Variants in ZNF384 observed in about 807,000 individuals in gnomAD.
The protein encoded by ZNF384 is CAG repeat protein 1.
In ZNF384, 20 loss-of-function variants were observed where a neutral mutation model predicts 65.0. That is an observed-to-expected ratio of 0.31 (90% CI 0.22 to 0.45). The LOEUF (loss-of-function observed/expected upper bound fraction) is 0.45. Ranked by LOEUF, ZNF384 falls within the 20% of genes least tolerant of loss-of-function variation. The probability of loss-of-function intolerance (pLI) is 1.00; values close to 1 mark genes in which losing one functional copy is unlikely to be tolerated. For synonymous variants in ZNF384, 310 were observed against 303.9 expected (o/e 1.02, Z -0.21); for missense variants, 549 against 769.4 (o/e 0.71, Z 3.39).
chr12:6,675,079 A>G (rs1300838902), intron 7 of ZNF384, among the ~76,000 whole-genome samples: 1 of 152,236 alleles, frequency 6.6e-6, no homozygotes, highest in East Asian at 1.9e-4. Flanking sequence ...TGCCCTTAAC[A>G]TTAAGGTTAA....
In ZNF384 at chr12:6,678,544, A is replaced by G. The variant is rs1954635040; in HGVS notation, c.353-84T>C. On this transcript the variant is annotated intron_variant, in intron 5 of 11. Transcript: ENST00000683879. The surrounding 1 kb of genome is among the most constrained non-coding windows in gnomAD (Gnocchi z 4.9). ...TTTCATTTCCCCCAGATCATTGTCT[A>G]ATTAACCCCTCACCCCCCCGCCGAC... is the stretch of plus-strand genomic sequence containing the variant. The G allele has an allele frequency of 3.9e-6, 6 of 1,519,740 alleles. No homozygotes were observed. Among genetic ancestry groups the G allele is most frequent in the Non-Finnish European group, 5.4e-6 (6 of 1,109,078 alleles). 94.1% of individuals were successfully genotyped at this position (1,519,740 alleles called of 1,614,324 possible).
intron 2 of ZNF384, among the ~76,000 whole-genome samples, chr12:6,683,349 G>A (rs1004352111): frequency 2.0e-5 from 3 of 149,592 alleles, no homozygotes; most frequent in African/African-American, 7.4e-5. Flanking sequence ...GAGAATAAAC[G>A]AAAGAAAGGG....
In ZNF384 at chr12:6,667,974, C is replaced by T. The variant is rs1353215970; in HGVS notation, c.1567G>A (p.Ala523Thr). The change falls in exon 12 of 12, where the codon GCC (alanine) becomes ACC (threonine). Residue 523 changes from alanine (A) to threonine (T), a missense_variant. By Grantham distance (58) the Ala-to-Thr change is moderately conservative. Transcript: ENST00000683879. Reference sequence around the variant, plus strand: ...GATGCCTGGGAGGCCTGGGCCTGGGCCTGGGCTTGAGCCTGAGCCTGAGCC... The same window carrying T: ...GATGCCTGGGAGGCCTGGGCCTGGGTCTGGGCTTGAGCCTGAGCCTGAGCC... ...AQAQAQAQAQ[A>T]QAQASQASQQ... 3.1e-6 allele frequency: 5 copies of T among 1,611,744 alleles called. No individual in the cohort carries two copies. Among genetic ancestry groups the T allele is most frequent in the Non-Finnish European group, 4.2e-6 (5 of 1,178,772 alleles).
intron 6 of ZNF384, among the ~76,000 whole-genome samples, chr12:6,677,740 G>A (rs1045755182): frequency 1.3e-5 from 2 of 152,118 alleles, no homozygotes; most frequent in African/African-American, 2.4e-5. Flanking sequence ...TGGCACATAG[G>A]TTAGGTGCTT....
In ZNF384 at chr12:6,679,215, T is replaced by C. The variant is rs1954928797; in HGVS notation, c.67-32A>G. ...GAAAAGGAAGGGGACGGGAGCACCC[T>C]CTTCAGCCTGAGAGGCTGATTCTGC... On this transcript the variant is annotated intron_variant, in intron 3 of 11. Transcript: ENST00000683879. 3.3e-6 allele frequency: 5 copies of C among 1,533,090 alleles called. No individual in the cohort carries two copies. The East Asian group carries it at 1.1e-4, about 35-fold the overall frequency. 95.0% of individuals were successfully genotyped at this position (1,533,090 alleles called of 1,614,324 possible). A position where few individuals can be genotyped will look rare whatever the true frequency, so the allele number is the denominator to read the frequency against.
intron 2 of ZNF384, among the ~76,000 whole-genome samples, chr12:6,685,358 A>G (rs1303894266): frequency 3.3e-5 from 5 of 152,106 alleles, no homozygotes; most frequent in Admixed American, 3.3e-4. Context: ...GAAAGGAAAG[A>G]AAAAACAGAA....
chr12:6,669,283 C>T, intron 10 of ZNF384, 94 bp from the exon 11 acceptor site: 1 of 1,170,630 alleles, frequency 8.5e-7, no homozygotes, highest in Non-Finnish European at 1.2e-6. Context: ...GGTGTCAGGC[C>T]TCCCAGCTTC....
rs1201253597 is a variant in ZNF384, at chr12:6,679,125, C to G, written c.125G>C (p.Cys42Ser). ...GGGGTAGTGAGGTGGGGCCAGACCACAGCCCTTCTCTGGCAACAGCTGATC... is the reference window on the plus strand; with the variant it reads ...GGGGTAGTGAGGTGGGGCCAGACCAGAGCCCTTCTCTGGCAACAGCTGATC... ...MKDQLLPEKG[C>S]GLAPPHYPTL... Residue 42 changes from cysteine to serine, a missense_variant, in exon 4 of 12, where the codon TGT becomes TCT. This residue lies in a region of ZNF384 where 277 missense variants were observed against 337.2 expected (regional missense o/e 0.82). Coordinates refer to ENST00000683879, the MANE Select transcript of ZNF384 (RefSeq NM_001385745.1). 1 of 1,608,686 alleles carries G rather than the reference C, an allele frequency of 6.2e-7. No individual in the cohort carries two copies. Among genetic ancestry groups the G allele is most frequent in the Admixed American group, 1.7e-5 (1 of 59,152 alleles).
At chr12:6,675,223 C>G (rs1953042815) in intron 7 of ZNF384, among the ~76,000 whole-genome samples, 1 of 152,120 alleles carries the variant, frequency 6.6e-6, no homozygotes, top group African/African-American at 2.4e-5. Flanking sequence ...TGATGATGAC[C>G]ACAATGATAA....
At chr12:6,683,399 T>C (rs1434241280) in intron 2 of ZNF384, among the ~76,000 whole-genome samples, 2 of 151,910 alleles carry the variant, frequency 1.3e-5, no homozygotes, top group Non-Finnish European at 2.9e-5. Context: ...GGAAGTTGGC[T>C]GGGTGTGGTG....
rs376546719 is a variant in ZNF384, at chr12:6,672,921, G to A, written c.1004+295C>T. The A allele has an allele frequency of 1.3e-5, 6 of 471,642 alleles. No homozygotes were observed. The highest frequency in any genetic ancestry group is 1.9e-5 in the Non-Finnish European group (5 of 258,946). The allele number at this position is 471,642 out of a possible 1,614,324, so 29.2% of individuals were successfully genotyped here. On this transcript the variant is annotated intron_variant, in intron 8 of 11. Coordinates refer to ENST00000683879, the MANE Select transcript of ZNF384 (RefSeq NM_001385745.1). This position sits in a 1 kb window ranked among gnomAD's most constrained non-coding sequence, Gnocchi z 4.4. ...GGACCTGAAGTTGAATGCACACCTT[G>A]GCTCTGAACTGAAGCATATAGTAAA... is the stretch of plus-strand genomic sequence containing the variant.
chr12:6,680,184 T>G (rs993632482), intron 2 of ZNF384, among the ~76,000 whole-genome samples: 4 of 152,160 alleles, frequency 2.6e-5, no homozygotes, highest in Non-Finnish European at 5.9e-5. Context: ...AGGCTGGTCT[T>G]GAACTCCTAG....
Position 6,667,050 on chromosome 12 carries a change from A to G in ZNF384, c.*664T>C, listed in dbSNP as rs926086652. 5.3e-5 allele frequency: 12 copies of G among 227,222 alleles called. No homozygotes were observed. The highest frequency in any genetic ancestry group is 1.7e-4 in the South Asian group (1 of 5,858). 14.1% of individuals were successfully genotyped at this position (227,222 alleles called of 1,614,324 possible). A position where few individuals can be genotyped will look rare whatever the true frequency, so the allele number is the denominator to read the frequency against. On this transcript the variant is annotated 3_prime_UTR_variant, in exon 12 of 12. Transcript: ENST00000683879. ...AGGCTTCAAGGAAATCCGTAAAACC[A>G]TAACACACACTTCTAAGCCACCTGT...
In ZNF384 at chr12:6,682,493, C is replaced by T. The variant is rs116177049; in HGVS notation, c.-5-2968G>A. Among the ~76,000 whole-genome samples, 1,168 of 152,182 alleles carry T rather than the reference C, an allele frequency of 7.7e-3. 16 individuals carry two copies. The highest frequency in any genetic ancestry group is 0.025 in the African/African-American group (1,020 of 41,518). On this transcript the variant is annotated intron_variant, in intron 2 of 11. Coordinates refer to ENST00000683879, the MANE Select transcript of ZNF384 (RefSeq NM_001385745.1). The stretch of plus-strand genomic sequence containing the variant: ...TGAAACCCTATCTCTACAAAAAATA[C>T]AAACATTTGCCAGGCATGGTGGCAG...
In ZNF384 at chr12:6,672,516, G is replaced by A. The variant is rs1951889132; in HGVS notation, c.1021C>T (p.His341Tyr). 5.0e-6 allele frequency: 8 copies of A among 1,613,954 alleles called. No homozygotes were observed. The highest frequency in any genetic ancestry group is 6.8e-6 in the Non-Finnish European group (8 of 1,179,900). The change falls in exon 9 of 12, where the codon CAC becomes TAC. Residue 341 changes from histidine to tyrosine, a missense_variant. Transcript: ENST00000683879. This position sits in a 1 kb window ranked among gnomAD's most constrained non-coding sequence, Gnocchi z 4.4. ...TTGTGGGGCTTGATGGTCTCCGTGT[G>A]CATCTTGGAGTGGATCCTGCCGGAG... ...QQHTRIHSKM[H>Y]TETIKPHKCP... is the part of the protein sequence containing the mutation.
chr12:6,688,362 G>C (rs1023834002), intron 1 of ZNF384, 136 bp from the exon 2 acceptor site: 1 of 152,372 alleles, frequency 6.6e-6, no homozygotes, highest in Admixed American at 6.5e-5. Flanking sequence ...CCAAAGACGG[G>C]TGGATATAAT....
In ZNF384 at chr12:6,689,323, G is replaced by C. The variant is rs932955296; in HGVS notation, c.-291C>G. 1.3e-4 allele frequency: 20 copies of C among 152,870 alleles called. No homozygotes were observed. Among genetic ancestry groups the C allele is most frequent in the African/African-American group, 4.1e-4 (17 of 41,558 alleles). The allele number at this position is 152,870 out of a possible 1,614,324, so 9.5% of individuals were successfully genotyped here. Reference sequence around the variant, plus strand: ...GACACCCGCAGGGCGGGGGCGCGAGGTAGTGGGTGGCCCCCCCTCCTTGCT... The same window carrying C: ...GACACCCGCAGGGCGGGGGCGCGAGCTAGTGGGTGGCCCCCCCTCCTTGCT... On this transcript the variant is annotated 5_prime_UTR_variant, in exon 1 of 12. Coordinates refer to ENST00000683879, the MANE Select transcript of ZNF384 (RefSeq NM_001385745.1).
intron 2 of ZNF384, among the ~76,000 whole-genome samples, chr12:6,682,296 G>A (rs192600963): frequency 6.6e-6 from 1 of 151,330 alleles, no homozygotes; most frequent in East Asian, 1.9e-4. Context: ...CTCTAACCTG[G>A]GTAACAGAGC....
chr12:6,677,471 T>C (rs1954095038), intron 6 of ZNF384, among the ~76,000 whole-genome samples: 1 of 152,098 alleles, frequency 6.6e-6, no homozygotes, highest in Non-Finnish European at 1.5e-5. Flanking sequence ...GGGCAGGGAG[T>C]TTACTTATGT....
Sources: allele counts gnomAD v4.1 joint callset (sites outside exome capture counted in the v4.1 genomes callset), GRCh38; gene constraint gnomAD v4.1.1; regional missense constraint gnomAD v4.1.1; non-coding constraint Gnocchi (gnomAD v3.1); transcripts MANE v1.5; gene names NCBI Gene and HGNC (gene_info 2026-07-23, HGNC 2026-07-21).